SAMD4A: variants seen among roughly 807,000 people sequenced by gnomAD.
The protein encoded by SAMD4A is protein Smaug homolog 1.
In SAMD4A, 33 loss-of-function variants were observed where a neutral mutation model predicts 81.3. The ratio of observed to expected loss-of-function variants is 0.41; its 90% CI spans 0.31 to 0.54. The LOEUF (loss-of-function observed/expected upper bound fraction) is 0.54. Among genes scored for constraint, SAMD4A ranks in the 20% least tolerant of loss-of-function variants. The pLI, the probability that SAMD4A is intolerant of heterozygous loss-of-function variation, is 0.37. For synonymous variants in SAMD4A, 389 were observed against 382.1 expected (o/e 1.02, Z -0.21); for missense variants, 854 against 951.1 (o/e 0.90, Z 1.34).
intron 3 of SAMD4A, among the ~76,000 whole-genome samples, chr14:54,734,347 G>A (rs757498781): frequency 4.6e-5 from 7 of 152,202 alleles, no homozygotes; most frequent in African/African-American, 9.6e-5. Flanking sequence ...GCCACAGCAC[G>A]TTGGCTCCTA....
intron 2 of SAMD4A, among the ~76,000 whole-genome samples, chr14:54,606,199 G>GTGTC (rs1047684765): frequency 6.6e-6 from 1 of 151,278 alleles, no homozygotes; most frequent in African/African-American, 2.4e-5. Context: ...GTGTGTGTGT[G>GTGTC]TGTGTGTGTG....
At chr14:54,646,979 A>G (rs900874011) in intron 2 of SAMD4A, among the ~76,000 whole-genome samples, 8 of 152,200 alleles carry the variant, frequency 5.3e-5, no homozygotes, top group African/African-American at 1.9e-4. Context: ...CAGCTTTTAT[A>G]CAAGAAACAG....
intron 2 of SAMD4A, among the ~76,000 whole-genome samples, chr14:54,613,540 C>A (rs2140275644): frequency 6.6e-6 from 1 of 152,304 alleles, no homozygotes; most frequent in South Asian, 2.1e-4. Flanking sequence ...TATGGTGCAA[C>A]CTCTATTCCA....
At chr14:54,602,787 A>T (rs1292316573) in intron 2 of SAMD4A, among the ~76,000 whole-genome samples, 1 of 105,004 alleles carries the variant, frequency 9.5e-6, no homozygotes, top group Non-Finnish European at 1.9e-5. Flanking sequence ...CCTAGAACTT[A>T]AAGTATAATT....
At chr14:54,682,281 C>A (rs1190765977) in intron 2 of SAMD4A, among the ~76,000 whole-genome samples, 2 of 152,210 alleles carry the variant, frequency 1.3e-5, no homozygotes, top group African/African-American at 4.8e-5. Flanking sequence ...TGTCGGCCTC[C>A]TGTCTCTTCT....
At chr14:54,741,711 A>G (rs1479281985) in intron 4 of SAMD4A, among the ~76,000 whole-genome samples, 6 of 152,228 alleles carry the variant, frequency 3.9e-5, no homozygotes, top group Non-Finnish European at 2.9e-5. Context: ...AAGTGGAGAT[A>G]AGTCAAGGAA....
chr14:54,580,548 G>A (rs1239131303), intron 2 of SAMD4A, among the ~76,000 whole-genome samples: 1 of 152,198 alleles, frequency 6.6e-6, no homozygotes, highest in Non-Finnish European at 1.5e-5. Context: ...TGTCCTTCAT[G>A]ACTGCCCACT....
At chr14:54,619,882 A>C (rs1204879616) in intron 2 of SAMD4A, among the ~76,000 whole-genome samples, 1 of 152,084 alleles carries the variant, frequency 6.6e-6, no homozygotes, top group African/African-American at 2.4e-5. Flanking sequence ...ATTTTGTTTT[A>C]ACTGAAAGAC....
Position 54,784,307 on chromosome 14 carries a change from G to T in SAMD4A, c.2045-230G>T. The T allele has an allele frequency of 2.7e-6, 4 of 1,505,280 alleles. No homozygotes were observed. The South Asian group carries it at 4.8e-5, about 18-fold the overall frequency. 93.2% of individuals were successfully genotyped at this position (1,505,280 alleles called of 1,614,324 possible). ...GCAGAGGAGGCACAGACTGTGACAT[G>T]ACCAGCTATTTTTAGTCTCCGTTTT... is the stretch of plus-strand genomic sequence containing the variant. On this transcript the variant is annotated intron_variant, in intron 11 of 12. Coordinates refer to ENST00000554335, the MANE Select transcript of SAMD4A (RefSeq NM_015589.6).
At chr14:54,720,017 C>CCT (rs546870241) in intron 3 of SAMD4A, among the ~76,000 whole-genome samples, 138 of 152,178 alleles carry the variant, frequency 9.1e-4, no homozygotes, top group Non-Finnish European at 1.5e-3. Flanking sequence ...GATAATAGCT[C>CCT]CTCTCTATTG....
At chr14:54,761,114 A>G (rs1238686041) in intron 7 of SAMD4A, among the ~76,000 whole-genome samples, 2 of 152,226 alleles carry the variant, frequency 1.3e-5, no homozygotes, top group Non-Finnish European at 2.9e-5. Flanking sequence ...GAAATGCTCT[A>G]GTACGAATAG....
intron 5 of SAMD4A, among the ~76,000 whole-genome samples, chr14:54,749,785 G>T (rs565699157): frequency 6.6e-6 from 1 of 152,298 alleles, no homozygotes; most frequent in Non-Finnish European, 1.5e-5. Flanking sequence ...TTTCAGCAAT[G>T]ATTTAAAAGA....
At chr14:54,715,481 A>G (rs1335501316) in intron 3 of SAMD4A, among the ~76,000 whole-genome samples, 1 of 152,076 alleles carries the variant, frequency 6.6e-6, no homozygotes, top group Non-Finnish European at 1.5e-5. Context: ...TTCAGCATTA[A>G]CTACATACTA....
chr14:54,604,515 T>A (rs1026405291), intron 2 of SAMD4A, among the ~76,000 whole-genome samples: 2 of 152,212 alleles, frequency 1.3e-5, no homozygotes, highest in Admixed American at 1.3e-4. Flanking sequence ...CAGCCCTGAA[T>A]AAGGAGTTGA....
chr14:54,785,477 C>T (rs564524672), intron 12 of SAMD4A, among the ~76,000 whole-genome samples: 2 of 152,328 alleles, frequency 1.3e-5, no homozygotes, highest in Non-Finnish European at 2.9e-5. Flanking sequence ...CTCTGTGCCA[C>T]AGAGACACAG....
rs2039224753 is a variant in SAMD4A, at chr14:54,789,582, T to C, written c.*638T>C. On this transcript the variant is annotated 3_prime_UTR_variant, in exon 13 of 13. Coordinates refer to ENST00000554335, the MANE Select transcript of SAMD4A (RefSeq NM_015589.6). ...TTACATAATAATTTTAAAGGGTACATAATGTGTAAAGAGTTTGGATAGAAC... is the reference window on the plus strand; with the variant it reads ...TTACATAATAATTTTAAAGGGTACACAATGTGTAAAGAGTTTGGATAGAAC... The C allele has an allele frequency of 6.6e-6, 1 of 152,568 alleles. No homozygotes were observed. Among genetic ancestry groups the C allele is most frequent in the Non-Finnish European group, 1.5e-5 (1 of 68,288 alleles). 9.5% of individuals were successfully genotyped at this position (152,568 alleles called of 1,614,324 possible). A position where few individuals can be genotyped will look rare whatever the true frequency, so the allele number is the denominator to read the frequency against.
chr14:54,678,694 G>A (rs1055676360), intron 2 of SAMD4A, among the ~76,000 whole-genome samples: 200 of 151,944 alleles, frequency 1.3e-3, no homozygotes, highest in Middle Eastern at 0.01. Flanking sequence ...GACTACAGGC[G>A]CCCGCCATCG....
At chr14:54,652,933 T>C (rs1439287603) in intron 2 of SAMD4A, 1 of 152,226 alleles carries the variant, frequency 6.6e-6, no homozygotes, top group East Asian at 1.9e-4. Context: ...ATTTTTGCTC[T>C]TTCTCTGTTC....
intron 2 of SAMD4A, among the ~76,000 whole-genome samples, chr14:54,663,479 G>A (rs1052201391): frequency 3.3e-5 from 5 of 152,156 alleles, no homozygotes; most frequent in African/African-American, 9.7e-5. Flanking sequence ...ACCACATGAA[G>A]CATGAGTTCC....
Sources: allele counts gnomAD v4.1 joint callset (sites outside exome capture counted in the v4.1 genomes callset), GRCh38; gene constraint gnomAD v4.1.1; transcripts MANE v1.5; gene names NCBI Gene and HGNC (gene_info 2026-07-23, HGNC 2026-07-21).